Variants in HNRNPC observed in about 807,000 individuals in gnomAD.
HNRNPC encodes heterogeneous nuclear ribonucleoprotein C.
In HNRNPC, 3 loss-of-function variants were observed where a neutral mutation model predicts 33.2. The ratio of observed to expected loss-of-function variants is 0.09; its 90% CI spans 0.04 to 0.23. The LOEUF (loss-of-function observed/expected upper bound fraction) is 0.23, where lower values mean the gene tolerates loss of function less well. Ranked by LOEUF, HNRNPC falls within the 10% of genes least tolerant of loss-of-function variation. HNRNPC has a pLI of 1.00. For missense variants in HNRNPC, 143 were observed against 366.7 expected (o/e 0.39, Z 4.98); for synonymous variants, 121 against 126.7 (o/e 0.96, Z 0.30).
intron 5 of HNRNPC, among the ~76,000 whole-genome samples, chr14:21,219,632 G>C (rs540399260): frequency 6.6e-6 from 1 of 151,690 alleles, no homozygotes; most frequent in East Asian, 1.9e-4. Flanking sequence ...TTTCATTTTG[G>C]CATTTTCAAT....
intron 2 of HNRNPC, among the ~76,000 whole-genome samples, chr14:21,235,181 T>C (rs1894554589): frequency 6.6e-6 from 1 of 152,200 alleles, no homozygotes; most frequent in Non-Finnish European, 1.5e-5. Context: ...TTTCATTCTT[T>C]TAGCATTTTG....
At chr14:21,216,667 C>CCACTG (rs1444299934) in intron 5 of HNRNPC, among the ~76,000 whole-genome samples, 2 of 149,964 alleles carry the variant, frequency 1.3e-5, no homozygotes, top group East Asian at 3.9e-4. Context: ...CAAGATCCCA[C>CCACTG]CACTGCACTC....
chr14:21,213,458 C>A, intron 5 of HNRNPC: 1 of 202,268 alleles, frequency 4.9e-6, no homozygotes, highest in Non-Finnish European at 1.0e-5. Flanking sequence ...TAATGAATAG[C>A]CTTTGGATCT....
Position 21,244,481 on chromosome 14 carries a change from T to C in HNRNPC, c.-36-10252A>G, listed in dbSNP as rs113449894. On this transcript the variant is annotated intron_variant, in intron 2 of 8. Transcript: ENST00000553300. ...GCTAAAAATTCCATTTAAGGTATCC[T>C]TTCTCACTTACCAATGGTGGAGCTT... Among the ~76,000 whole-genome samples the C allele has an allele frequency of 5.1e-3, 780 of 152,324 alleles. 6 individuals carry two copies. Among genetic ancestry groups the C allele is most frequent in the African/African-American group, 0.018 (748 of 41,572 alleles).
chr14:21,232,041 A>G (rs1429389149), intron 3 of HNRNPC, among the ~76,000 whole-genome samples: 2 of 152,188 alleles, frequency 1.3e-5, no homozygotes, highest in East Asian at 1.9e-4. Flanking sequence ...TAATTGATCA[A>G]TTGCTTAAAC....
intron 2 of HNRNPC, among the ~76,000 whole-genome samples, chr14:21,237,772 T>C (rs559042867): frequency 6.7e-6 from 1 of 148,628 alleles, no homozygotes; most frequent in African/African-American, 2.5e-5. Context: ...CTTGATCACA[T>C]TTTTTTTTTA....
intron 5 of HNRNPC, 21 bp from the exon 6 acceptor site, chr14:21,213,138 G>A (rs772222605): frequency 4.8e-5 from 78 of 1,611,050 alleles, no homozygotes; most frequent in Non-Finnish European, 6.2e-5. Flanking sequence ...AGAGGAAAAT[G>A]GAATTCATTC....
At chr14:21,261,843 C>T (rs998001322) in intron 2 of HNRNPC, among the ~76,000 whole-genome samples, 7 of 152,208 alleles carry the variant, frequency 4.6e-5, no homozygotes, top group Non-Finnish European at 7.3e-5. Flanking sequence ...TAAAATACTA[C>T]GGGTTGCTCA....
chr14:21,243,544 T>A (rs1895613641), intron 2 of HNRNPC, among the ~76,000 whole-genome samples: 1 of 152,246 alleles, frequency 6.6e-6, no homozygotes, highest in Non-Finnish European at 1.5e-5. Context: ...ACATCTTTTT[T>A]TCTGTCAAAT....
At chr14:21,262,156 T>C (rs1221220574) in intron 2 of HNRNPC, among the ~76,000 whole-genome samples, 4 of 152,208 alleles carry the variant, frequency 2.6e-5, no homozygotes, top group African/African-American at 9.7e-5. Flanking sequence ...CATTTTAATA[T>C]TATGTTGTAT....
chr14:21,261,037 A>G (rs1298180318), intron 2 of HNRNPC, among the ~76,000 whole-genome samples: 1 of 151,092 alleles, frequency 6.6e-6, no homozygotes, highest in East Asian at 1.9e-4. Context: ...CACATCACAC[A>G]CTACAGTCTC....
chr14:21,234,623 T>C (rs1894473684), intron 2 of HNRNPC: 1 of 167,392 alleles, frequency 6.0e-6, no homozygotes, highest in African/African-American at 2.4e-5. Context: ...CAGGTCATGC[T>C]AACTATTCCC....
At chr14:21,240,698 A>G (rs940781536) in intron 2 of HNRNPC, among the ~76,000 whole-genome samples, 4 of 152,194 alleles carry the variant, frequency 2.6e-5, no homozygotes, top group Non-Finnish European at 4.4e-5. Context: ...TGTTTTCAGT[A>G]TATCTTGGCT....
intron 5 of HNRNPC, among the ~76,000 whole-genome samples, chr14:21,228,445 G>A (rs1255713281): frequency 6.6e-6 from 1 of 152,276 alleles, no homozygotes; most frequent in South Asian, 2.1e-4. Context: ...AGGCTGGAGT[G>A]CAGTGGCGCG....
intron 2 of HNRNPC, among the ~76,000 whole-genome samples, chr14:21,235,634 C>G (rs1252691181): frequency 6.6e-6 from 1 of 152,130 alleles, no homozygotes; most frequent in East Asian, 1.9e-4. Flanking sequence ...CCACTGAAAT[C>G]CACCAACAGC....
At chr14:21,239,602 G>A (rs1197816353) in intron 2 of HNRNPC, among the ~76,000 whole-genome samples, 1 of 151,824 alleles carries the variant, frequency 6.6e-6, no homozygotes, top group Non-Finnish European at 1.5e-5. Flanking sequence ...GGCCAGGCAC[G>A]GTGGCTCACA....
At chr14:21,249,418 TAC>T (rs1896360027) in intron 2 of HNRNPC, among the ~76,000 whole-genome samples, 3 of 91,014 alleles carry the variant, frequency 3.3e-5, no homozygotes, top group Admixed American at 2.3e-4. Flanking sequence ...CTACTAAAAA[TAC>T]AAAAAAAAAA....
chr14:21,216,825 T>TA (rs922767109), intron 5 of HNRNPC, among the ~76,000 whole-genome samples: 4 of 152,228 alleles, frequency 2.6e-5, no homozygotes, highest in East Asian at 3.9e-4. Context: ...ACTATGTAGA[T>TA]AAAAAAACTG....
Position 21,211,228 on chromosome 14 carries a change from A to G in HNRNPC, c.877T>C (p.Ser293Pro), listed in dbSNP as rs1346249660. 6.2e-7 allele frequency: 1 copy of G among 1,613,878 alleles called. No individual in the cohort carries two copies. The highest frequency in any genetic ancestry group is 2.2e-5 in the East Asian group (1 of 44,872). The change falls in exon 9 of 9, where the codon TCT (serine) becomes CCT (proline). Residue 293 changes from serine to proline, a missense_variant. By Grantham distance (74) the Ser-to-Pro change is moderately conservative. Coordinates refer to ENST00000553300, the MANE Select transcript of HNRNPC (RefSeq NM_004500.4). ...DRDSANGEDDS is the reference protein window; with the variant it reads ...DRDSANGEDDP ...TTCTAAACCCCACTATGTGCTTAAG[A>G]GTCATCCTCGCCATTGGCGCTGTCT...
Sources: gnomAD v4.1 joint callset for allele counts (sites outside exome capture counted in the v4.1 genomes callset) on GRCh38, gnomAD v4.1.1 for gene constraint, MANE v1.5 for transcripts, NCBI Gene and HGNC (gene_info 2026-07-23, HGNC 2026-07-21) for gene names.